The following GABBR2 variants were observed in gnomAD, a reference collection of about 807,000 sequenced individuals.
GABBR2 encodes the protein G-protein coupled receptor 51.
GABBR2 carries 23 observed loss-of-function variants against 105.6 expected under a neutral mutation model. The ratio of observed to expected loss-of-function variants is 0.22; its 90% CI spans 0.16 to 0.31. GABBR2 has a LOEUF of 0.31. Ranked by LOEUF, GABBR2 falls within the 10% of genes least tolerant of loss-of-function variation. GABBR2 has a pLI of 1.00. For synonymous variants in GABBR2, 478 were observed against 499.7 expected (o/e 0.96, Z 0.58); for missense variants, 734 against 1,245.5 (o/e 0.59, Z 6.18).
chr9:98,335,225 C>T (rs1831092617), intron 13 of GABBR2, among the ~76,000 whole-genome samples: 1 of 152,134 alleles, frequency 6.6e-6, no homozygotes, highest in South Asian at 2.1e-4. Flanking sequence ...ACCAGAGGGC[C>T]TGCGTAGCTC....
At chr9:98,672,533 G>A (rs1055528745) in intron 1 of GABBR2, among the ~76,000 whole-genome samples, 13 of 152,228 alleles carry the variant, frequency 8.5e-5, no homozygotes, top group East Asian at 3.8e-4. Flanking sequence ...CGTCTGAGTC[G>A]GTGCCTGTCT....
intron 6 of GABBR2, among the ~76,000 whole-genome samples, chr9:98,460,080 C>A (rs1826396248): frequency 6.6e-6 from 1 of 152,140 alleles, no homozygotes; most frequent in South Asian, 2.1e-4. Context: ...CATAGGTGAT[C>A]CAAATCTTGA....
chr9:98,354,285 AG>A (rs1193057594), intron 13 of GABBR2, among the ~76,000 whole-genome samples: 7 of 152,220 alleles, frequency 4.6e-5, no homozygotes, highest in Non-Finnish European at 1.0e-4. Context: ...TCAGGGCCCT[AG>A]GATTTTTGAA....
intron 3 of GABBR2, among the ~76,000 whole-genome samples, chr9:98,508,478 G>C (rs1161992878): frequency 6.6e-6 from 1 of 152,254 alleles, no homozygotes; most frequent in Non-Finnish European, 1.5e-5. Context: ...CGCCTCACCA[G>C]GGAAGCGCAA....
intron 15 of GABBR2, 47 bp from the exon 16 acceptor site, chr9:98,303,470 C>T (rs745997659): frequency 3.3e-6 from 5 of 1,523,938 alleles, no homozygotes; most frequent in Middle Eastern, 3.5e-4. Flanking sequence ...AGCCTTGAGT[C>T]CTTCCTCCCA....
Position 98,708,503 on chromosome 9 carries a change from G to C in GABBR2, c.235C>G (p.Pro79Ala). The C allele has an allele frequency of 6.3e-7, 1 of 1,596,472 alleles. No homozygotes were observed. Among genetic ancestry groups the C allele is most frequent in the Non-Finnish European group, 8.5e-7 (1 of 1,172,918 alleles). ...AKGSIGRGVL[P>A]AVELAIEQIR... ...TGCTCGATGGCCAGTTCCACGGCGG[G>C]GAGCACACCGCGCCCGATGCTGCCC... The change falls in exon 1 of 19, where the codon CCC becomes GCC. Residue 79 changes from proline to alanine, a missense_variant. Around this residue, in one of 7 missense-constraint regions of GABBR2, gnomAD observed 370 missense variants for 648.9 expected, o/e 0.57. Transcript: ENST00000259455.
intron 2 of GABBR2, among the ~76,000 whole-genome samples, chr9:98,553,449 A>T (rs1828527603): frequency 6.6e-6 from 1 of 151,956 alleles, no homozygotes; most frequent in Non-Finnish European, 1.5e-5. Context: ...GCAAAAAATT[A>T]GGCATTGTGG....
chr9:98,434,946 A>G (rs1288799725), intron 7 of GABBR2, among the ~76,000 whole-genome samples: 3 of 152,178 alleles, frequency 2.0e-5, no homozygotes, highest in Non-Finnish European at 4.4e-5. Context: ...GCAGCACACA[A>G]GGAGGTTTTC....
chr9:98,551,841 C>G (rs116712715), intron 2 of GABBR2, among the ~76,000 whole-genome samples: 1,689 of 152,216 alleles, frequency 0.011, 31 homozygotes, highest in African/African-American at 0.039. Context: ...TCATTTCCCC[C>G]CTTTTAGATG....
chr9:98,340,110 A>G (rs2131404738), intron 13 of GABBR2, among the ~76,000 whole-genome samples: 1 of 152,118 alleles, frequency 6.6e-6, no homozygotes, highest in Admixed American at 6.5e-5. Context: ...TGGTGGGGGA[A>G]AGCTGCAGCT....
At chr9:98,417,029 G>C (rs1014206405) in intron 7 of GABBR2, among the ~76,000 whole-genome samples, 1 of 152,136 alleles carries the variant, frequency 6.6e-6, no homozygotes, top group African/African-American at 2.4e-5. Context: ...CAATGCTCCC[G>C]GCTCCTTCCT....
At chr9:98,365,051 GGA>G (rs1026190193) in intron 12 of GABBR2, among the ~76,000 whole-genome samples, 2 of 152,160 alleles carry the variant, frequency 1.3e-5, no homozygotes, top group Non-Finnish European at 2.9e-5. Context: ...GCAGGGGGAG[GGA>G]GAGAGCAGGA....
At chr9:98,496,801 G>A (rs1412634179) in intron 3 of GABBR2, among the ~76,000 whole-genome samples, 1 of 152,134 alleles carries the variant, frequency 6.6e-6, no homozygotes, top group African/African-American at 2.4e-5. Flanking sequence ...CACCTTTGCT[G>A]GTGTTTCTCC....
At chr9:98,305,721 A>G (rs950806284) in intron 15 of GABBR2, among the ~76,000 whole-genome samples, 6 of 152,032 alleles carry the variant, frequency 3.9e-5, no homozygotes, top group Non-Finnish European at 8.8e-5. Context: ...AGGTTGAGGC[A>G]GGAGAATTGC....
At chr9:98,580,323 G>T (rs116609318) in intron 1 of GABBR2, among the ~76,000 whole-genome samples, 5,120 of 151,764 alleles carry the variant, frequency 0.034, 295 homozygotes, top group African/African-American at 0.12. Flanking sequence ...CCTATTTAAT[G>T]CCCTAACATA....
At chr9:98,512,098 T>C (rs1039276299) in intron 3 of GABBR2, among the ~76,000 whole-genome samples, 5 of 151,828 alleles carry the variant, frequency 3.3e-5, no homozygotes, top group Non-Finnish European at 7.4e-5. Context: ...CAAGGCTGGT[T>C]CAACATATGA....
intron 3 of GABBR2, among the ~76,000 whole-genome samples, chr9:98,525,564 T>A (rs568467178): frequency 1.2e-4 from 18 of 152,350 alleles, no homozygotes; most frequent in African/African-American, 3.4e-4. Context: ...CTGGTGGGAA[T>A]GTAAATGGTA....
intron 12 of GABBR2, among the ~76,000 whole-genome samples, chr9:98,369,532 A>AAAG (rs1201059860): frequency 6.6e-6 from 1 of 152,178 alleles, no homozygotes; most frequent in Non-Finnish European, 1.5e-5. Context: ...AGAAGTCCTG[A>AAAG]AAGACTAAGA....
intron 1 of GABBR2, among the ~76,000 whole-genome samples, chr9:98,585,189 G>A (rs1012041923): frequency 3.3e-5 from 5 of 152,076 alleles, no homozygotes; most frequent in South Asian, 2.1e-4. Context: ...ACTAGCTAAC[G>A]TATACTGTGC....
Sources: gnomAD v4.1 joint callset for allele counts (sites outside exome capture counted in the v4.1 genomes callset) on GRCh38, gnomAD v4.1.1 for gene constraint, gnomAD v4.1.1 regional missense constraint, MANE v1.5 for transcripts, NCBI Gene and HGNC (gene_info 2026-07-23, HGNC 2026-07-21) for gene names.